Variants in USP6NL observed in about 807,000 individuals in gnomAD.
The protein encoded by USP6NL is USP6 N-terminal like, also known as USP6 N-terminal-like protein.
In USP6NL, 26 loss-of-function variants were observed where a neutral mutation model predicts 61.9. That is an observed-to-expected ratio of 0.42 (90% CI 0.31 to 0.58). The LOEUF (loss-of-function observed/expected upper bound fraction) is 0.58. Ranked by LOEUF, USP6NL falls within the 20% of genes least tolerant of loss-of-function variation. The probability of loss-of-function intolerance (pLI) is 0.16; values close to 1 mark genes in which losing one functional copy is unlikely to be tolerated. For synonymous variants in USP6NL, 432 were observed against 390.1 expected, an observed-to-expected ratio of 1.11 and a Z score of -1.27; for missense variants, 1,114 against 1,034.3, an observed-to-expected ratio of 1.08 and a Z score of -1.06.
chr10:11,609,447 AAAGT>A (rs1274754534), intron 1 of USP6NL, among the ~76,000 whole-genome samples: 3 of 131,558 alleles, frequency 2.3e-5, no homozygotes, highest in South Asian at 2.3e-4. Context: ...CACTAGTTAC[AAAGT>A]AAGAATGGTT....
chr10:11,547,542 C>CTTTTT (rs11409797), intron 2 of USP6NL, among the ~76,000 whole-genome samples: 2 of 137,998 alleles, frequency 1.4e-5, no homozygotes, highest in African/African-American at 2.7e-5. Flanking sequence ...CATTTTAAAA[C>CTTTTT]TTTTTTTTTT....
intron 2 of USP6NL, among the ~76,000 whole-genome samples, chr10:11,555,433 A>AAAAAAAAAAAAATATATAT (rs1275798295): frequency 2.0e-5 from 1 of 49,030 alleles, no homozygotes; most frequent in East Asian, 9.0e-4. Context: ...AAAAAAAAAA[A>AAAAAAAAAAAAATATATAT]ATATATATAT....
chr10:11,582,495 C>T (rs1161472640), intron 2 of USP6NL, among the ~76,000 whole-genome samples: 1 of 152,182 alleles, frequency 6.6e-6, no homozygotes, highest in Admixed American at 6.5e-5. Flanking sequence ...AATTACAGCA[C>T]ATTACTACAA....
intron 7 of USP6NL, among the ~76,000 whole-genome samples, chr10:11,494,845 T>G (rs1194245505): frequency 2.0e-5 from 3 of 152,062 alleles, no homozygotes; most frequent in Non-Finnish European, 1.5e-5. Flanking sequence ...GTGTACAGGA[T>G]GGAACATGAA....
intron 2 of USP6NL, among the ~76,000 whole-genome samples, chr10:11,571,044 C>A (rs988557396): frequency 2.0e-5 from 3 of 151,766 alleles, no homozygotes; most frequent in African/African-American, 7.3e-5. Flanking sequence ...TTCATCTAGT[C>A]TTTCATTCAC....
rs1833633935 is a variant in USP6NL at position 11,489,815 on chromosome 10, C to T, written c.544-593G>A. Among the ~76,000 whole-genome samples, 1 of 152,252 alleles carries T rather than the reference C, an allele frequency of 6.6e-6. No homozygotes were observed. The highest frequency in any genetic ancestry group is 2.4e-5 in the African/African-American group (1 of 41,458). ...TATTTGGTTGCACTGACTCATCAGA[C>T]ACTGTCTCTATGAAATGTGAACAAA... On this transcript the variant is annotated intron_variant, in intron 9 of 14. Transcript: ENST00000609104. This position sits in a 1 kb window ranked among gnomAD's most constrained non-coding sequence, Gnocchi z 5.7.
chr10:11,572,147 TA>T (rs1221521481), intron 2 of USP6NL, among the ~76,000 whole-genome samples: 1 of 151,580 alleles, frequency 6.6e-6, no homozygotes, highest in African/African-American at 2.4e-5. Context: ...AAACAAAAAC[TA>T]AAAAAAATTC....
rs972029991 is a variant in USP6NL at position 11,591,701 on chromosome 10, A to T, written c.4+5930T>A. On this transcript the variant is annotated intron_variant, in intron 2 of 14. Coordinates refer to ENST00000609104, the MANE Select transcript of USP6NL (RefSeq NM_014688.5). This position sits in a 1 kb window ranked among gnomAD's most constrained non-coding sequence, Gnocchi z 4.7. ...TATTTGATAAATCTCACCAAAAGGTATATGGAAATTTGGGGTACTATTTTT... is the reference window on the plus strand; with the variant it reads ...TATTTGATAAATCTCACCAAAAGGTTTATGGAAATTTGGGGTACTATTTTT... Among the ~76,000 whole-genome samples, 1 of 152,188 alleles carries T rather than the reference A, an allele frequency of 6.6e-6. No homozygotes were observed. Among genetic ancestry groups the T allele is most frequent in the Non-Finnish European group, 1.5e-5 (1 of 68,036 alleles).
At chr10:11,504,926 C>T (rs114258222) in intron 6 of USP6NL, among the ~76,000 whole-genome samples, 188 of 152,260 alleles carry the variant, frequency 1.2e-3, no homozygotes, top group African/African-American at 4.2e-3. Context: ...ACCACACTGT[C>T]GAGATCTGTG....
chr10:11,570,525 G>A (rs978749976), intron 2 of USP6NL, among the ~76,000 whole-genome samples: 13 of 152,000 alleles, frequency 8.6e-5, no homozygotes, highest in African/African-American at 1.5e-4. Flanking sequence ...TTGGTCGTTC[G>A]GTTCTCTACC....
intron 2 of USP6NL, among the ~76,000 whole-genome samples, chr10:11,593,602 A>G (rs1279533821): frequency 6.6e-6 from 1 of 152,268 alleles, no homozygotes; most frequent in Non-Finnish European, 1.5e-5. Context: ...GGATTGTAAT[A>G]AAGTACAATC....
chr10:11,586,391 T>C (rs993551881), intron 2 of USP6NL, among the ~76,000 whole-genome samples: 9 of 135,456 alleles, frequency 6.6e-5, no homozygotes, highest in East Asian at 2.1e-4. Flanking sequence ...CCATCTTAAA[T>C]GACCAAAAAA....
intron 5 of USP6NL, among the ~76,000 whole-genome samples, chr10:11,516,652 A>G (rs905741363): frequency 7.9e-5 from 12 of 152,218 alleles, no homozygotes; most frequent in Non-Finnish European, 1.6e-4. Context: ...GGGAAACCCA[A>G]TCAACAGCCT....
rs749106981 is a variant in USP6NL, at chr10:11,485,213, T to C, written c.781A>G (p.Ser261Gly). The change falls in exon 12 of 15, where the codon AGT becomes GGT. Residue 261 changes from serine (S) to glycine (G), a missense_variant. Transcript: ENST00000609104. This position sits in a 1 kb window ranked among gnomAD's most constrained non-coding sequence, Gnocchi z 4.8. The part of the protein sequence containing the change: ...QHLDSQEIYT[S>G]FYTMKWFFQC... ...AAAAACCATTTCATTGTGTAAAAAC[T>C]TGTGTAGATTTCTTGAGAATCCTGA... 3.3e-6 allele frequency: 5 copies of C among 1,529,686 alleles called. No individual in the cohort carries two copies. The South Asian group carries it at 6.4e-5, about 20-fold the overall frequency. 94.8% of individuals were successfully genotyped at this position (1,529,686 alleles called of 1,614,324 possible).
At chr10:11,524,005 C>G (rs185826032) in intron 4 of USP6NL, among the ~76,000 whole-genome samples, 97 of 152,324 alleles carry the variant, frequency 6.4e-4, no homozygotes, top group African/African-American at 2.2e-3. Context: ...GATCTGCACA[C>G]TAACCCACAC....
intron 2 of USP6NL, among the ~76,000 whole-genome samples, chr10:11,536,227 G>C (rs1160195580): frequency 1.3e-5 from 2 of 152,162 alleles, no homozygotes; most frequent in Non-Finnish European, 2.9e-5. Flanking sequence ...GGTCCTGTAG[G>C]AAGAACTGTT....
chr10:11,504,841 C>T (rs974285312), intron 6 of USP6NL, among the ~76,000 whole-genome samples: 2 of 152,146 alleles, frequency 1.3e-5, no homozygotes, highest in Non-Finnish European at 2.9e-5. Context: ...TGCTGAGCAC[C>T]ATGCCCTGAC....
chr10:11,528,292 G>A lies in USP6NL; in HGVS notation c.5-725C>T, dbSNP rs1358338110. Among the ~76,000 whole-genome samples, 1 of 149,268 alleles carries A rather than the reference G, an allele frequency of 6.7e-6. No individual in the cohort carries two copies. On this transcript the variant is annotated intron_variant, in intron 2 of 14. Transcript: ENST00000609104. This position sits in a 1 kb window ranked among gnomAD's most constrained non-coding sequence, Gnocchi z 4.6. ...AAGATCAATAACAGACTATATAAAA[G>A]GCTTCTCTTACCAAAAAAAAAAAGC...
Position 11,462,385 on chromosome 10 carries a change from A to G in USP6NL, c.*56T>C. ...ATACTGCTTTGGCAATTATGAACAT[A>G]GCAATGTAGGTTTCACGTGGTTTCT... On this transcript the variant is annotated 3_prime_UTR_variant, in exon 15 of 15. Coordinates refer to ENST00000609104, the MANE Select transcript of USP6NL (RefSeq NM_014688.5). 1 of 1,556,188 alleles carries G rather than the reference A, an allele frequency of 6.4e-7. No individual in the cohort carries two copies. The highest frequency in any genetic ancestry group is 8.7e-7 in the Non-Finnish European group (1 of 1,149,622).
Sources: gnomAD v4.1 joint callset for allele counts (sites outside exome capture counted in the v4.1 genomes callset) on GRCh38, gnomAD v4.1.1 for gene constraint, Gnocchi (gnomAD v3.1) non-coding constraint, MANE v1.5 for transcripts, NCBI Gene and HGNC (gene_info 2026-07-23, HGNC 2026-07-21) for gene names.